SLC22A23: variants seen among roughly 807,000 people sequenced by gnomAD.
SLC22A23 encodes solute carrier family 22 member 23, also known as ion transporter protein.
In SLC22A23, 26 loss-of-function variants were observed where a neutral mutation model predicts 61.0. That is an observed-to-expected ratio of 0.43 (90% CI 0.31 to 0.59). The LOEUF (loss-of-function observed/expected upper bound fraction) is 0.59, where lower values mean the gene tolerates loss of function less well. Among genes scored for constraint, SLC22A23 ranks in the 20% least tolerant of loss-of-function variants. The pLI, the probability that SLC22A23 is intolerant of heterozygous loss-of-function variation, is 0.11. For missense variants in SLC22A23, 796 were observed against 934.7 expected, an observed-to-expected ratio of 0.85 and a Z score of 1.94; for synonymous variants, 430 against 413.9, an observed-to-expected ratio of 1.04 and a Z score of -0.47.
At chr6:3,403,785 T>C (rs1768604478) in intron 3 of SLC22A23, among the ~76,000 whole-genome samples, 1 of 152,202 alleles carries the variant, frequency 6.6e-6, no homozygotes, top group South Asian at 2.1e-4. Flanking sequence ...ACGTTGAAGC[T>C]CAATAGTTTT....
At chr6:3,278,915 A>C (rs1239818266) in intron 9 of SLC22A23, among the ~76,000 whole-genome samples, 1 of 152,134 alleles carries the variant, frequency 6.6e-6, no homozygotes, top group Non-Finnish European at 1.5e-5. Context: ...CCTTACTCAC[A>C]CGGGAGTCAC....
chr6:3,273,561 C>T lies in SLC22A23; in HGVS notation c.1704-149G>A, dbSNP rs1223532763. ...TACCCCGACCTCACACGTCCCATGTCACCAGCACCCTGGCTGTGTCTGTAC... is the reference window on the plus strand; with the variant it reads ...TACCCCGACCTCACACGTCCCATGTTACCAGCACCCTGGCTGTGTCTGTAC... On this transcript the variant is annotated intron_variant, in intron 9 of 9. Coordinates refer to ENST00000406686, the MANE Select transcript of SLC22A23 (RefSeq NM_015482.2). 4.1e-6 allele frequency: 3 copies of T among 736,644 alleles called. No individual in the cohort carries two copies. In the Admixed American group the frequency reaches 8.2e-5, roughly 20 times the overall value. 45.6% of individuals were successfully genotyped at this position (736,644 alleles called of 1,614,324 possible).
chr6:3,338,425 G>T (rs1204391933), intron 3 of SLC22A23, among the ~76,000 whole-genome samples: 1 of 152,268 alleles, frequency 6.6e-6, no homozygotes, highest in African/African-American at 2.4e-5. Context: ...CGCCTCCCGG[G>T]TTCAAGTGAT....
At chr6:3,321,289 A>C (rs1322056184) in intron 4 of SLC22A23, among the ~76,000 whole-genome samples, 29 of 152,274 alleles carry the variant, frequency 1.9e-4, no homozygotes, top group Admixed American at 1.9e-3. Context: ...ACAGCCAGTC[A>C]CTAGGCCAGC....
intron 3 of SLC22A23, among the ~76,000 whole-genome samples, chr6:3,326,362 C>T (rs910448728): frequency 2.0e-5 from 3 of 152,194 alleles, no homozygotes; most frequent in East Asian, 1.9e-4. Context: ...GTATCGCATG[C>T]GATCACATGC....
In SLC22A23 at chr6:3,414,652, G is replaced by T. The variant is rs1769538751; in HGVS notation, c.758+1100C>A. Among the ~76,000 whole-genome samples, 1 of 129,720 alleles carries T rather than the reference G, an allele frequency of 7.7e-6. No homozygotes were observed. The highest frequency in any genetic ancestry group is 2.9e-5 in the African/African-American group (1 of 33,970). 85.1% of individuals were successfully genotyped at this position (129,720 alleles called of 152,430 possible). On this transcript the variant is annotated intron_variant, in intron 2 of 9. Coordinates refer to ENST00000406686, the MANE Select transcript of SLC22A23 (RefSeq NM_015482.2). The surrounding 1 kb of genome is among the most constrained non-coding windows in gnomAD (Gnocchi z 5.1). ...AGTTAACTGAGGTGCAGAGGTCACA[G>T]AACCTATAGAATTTGTTCCATATCA...
chr6:3,300,704 G>A (rs983485057), intron 4 of SLC22A23, among the ~76,000 whole-genome samples: 3 of 152,202 alleles, frequency 2.0e-5, no homozygotes, highest in South Asian at 2.1e-4. Flanking sequence ...CATCACTATC[G>A]ATATCTAATA....
intron 1 of SLC22A23, among the ~76,000 whole-genome samples, chr6:3,429,995 T>G (rs1770754515): frequency 6.6e-6 from 1 of 152,176 alleles, no homozygotes; most frequent in Admixed American, 6.6e-5. Context: ...CACAACAATG[T>G]GAATGGCTTA....
At chr6:3,368,482 C>T (rs1454303767) in intron 3 of SLC22A23, among the ~76,000 whole-genome samples, 2 of 152,216 alleles carry the variant, frequency 1.3e-5, no homozygotes, top group African/African-American at 2.4e-5. Context: ...AAGGGGGTCT[C>T]TGACCCAAAA....
At chr6:3,378,155 T>A (rs1368285855) in intron 3 of SLC22A23, among the ~76,000 whole-genome samples, 4 of 152,222 alleles carry the variant, frequency 2.6e-5, no homozygotes, top group Non-Finnish European at 5.9e-5. Flanking sequence ...ACATTTAATA[T>A]CACCGATGGC....
Position 3,456,488 on chromosome 6 carries a change from G to A in SLC22A23, c.72C>T (p.Asn24=). The A allele has an allele frequency of 1.8e-6, 2 of 1,137,756 alleles. No homozygotes were observed. Among genetic ancestry groups the A allele is most frequent in the Non-Finnish European group, 2.2e-6 (2 of 929,688 alleles). The allele number at this position is 1,137,756 out of a possible 1,614,324, so 70.5% of individuals were successfully genotyped here. The change falls in exon 1 of 10, where the codon AAC becomes AAT. Residue 24 remains asparagine, a synonymous_variant. Transcript: ENST00000406686. The surrounding 1 kb of genome is among the most constrained non-coding windows in gnomAD (Gnocchi z 7.1). Reference sequence around the variant, plus strand: ...CCGCGTCCCCGGGCGGCAGGGAGCCGTTCTCCTCGGCCGGGGCCGGCTGCC... The same window carrying A: ...CCGCGTCCCCGGGCGGCAGGGAGCCATTCTCCTCGGCCGGGGCCGGCTGCC... The part of the protein sequence containing the change: ...PGRQPAPAEE[N]GSLPPGDAAA...
intron 8 of SLC22A23, 75 bp downstream of exon 8, chr6:3,285,004 C>T (rs79364886): frequency 1.3e-4 from 210 of 1,576,340 alleles, no homozygotes; most frequent in East Asian, 2.6e-4. Context: ...ACCACAGGTC[C>T]GTGAGTCTTC....
chr6:3,415,561 A>C (rs908534782), intron 2 of SLC22A23, among the ~76,000 whole-genome samples, 191 bp downstream of exon 2: 1 of 152,226 alleles, frequency 6.6e-6, no homozygotes, highest in Admixed American at 6.5e-5. Flanking sequence ...TTAAATTCAC[A>C]CTTCCAAATG....
intron 1 of SLC22A23, among the ~76,000 whole-genome samples, chr6:3,452,030 T>C (rs975007328): frequency 1.1e-4 from 16 of 152,198 alleles, no homozygotes; most frequent in African/African-American, 3.6e-4. Flanking sequence ...CAACACATTA[T>C]AAAACAGACT....
chr6:3,336,598 C>T (rs145815397), intron 3 of SLC22A23, among the ~76,000 whole-genome samples: 17 of 152,294 alleles, frequency 1.1e-4, no homozygotes, highest in African/African-American at 3.9e-4. Flanking sequence ...GCAGCGAGCT[C>T]CTTGAAAAGG....
At chr6:3,293,506 C>T (rs1302255802) in intron 5 of SLC22A23, among the ~76,000 whole-genome samples, 2 of 150,528 alleles carry the variant, frequency 1.3e-5, no homozygotes, top group East Asian at 2.0e-4. Context: ...AGTCTTATCA[C>T]GAAGTCACCT....
chr6:3,400,976 A>G (rs183749648), intron 3 of SLC22A23, among the ~76,000 whole-genome samples: 3 of 152,382 alleles, frequency 2.0e-5, no homozygotes, highest in Admixed American at 1.3e-4. Flanking sequence ...ATAATAATGA[A>G]CATCTAACAC....
Position 3,410,065 on chromosome 6 carries a change from T to C in SLC22A23, c.913+123A>G. 3 of 1,137,490 alleles carry C rather than the reference T, an allele frequency of 2.6e-6. No homozygotes were observed. Among genetic ancestry groups the C allele is most frequent in the Non-Finnish European group, 3.7e-6 (3 of 816,324 alleles). The allele number at this position is 1,137,490 out of a possible 1,614,324, so 70.5% of individuals were successfully genotyped here. A position where few individuals can be genotyped will look rare whatever the true frequency, so the allele number is the denominator to read the frequency against. ...TTCACAACACTTGAGGCCTTTAATG[T>C]TTGTGTTTCCACAAAACTGCCAGCC... On this transcript the variant is annotated intron_variant, in intron 3 of 9. Transcript: ENST00000406686. The surrounding 1 kb of genome is among the most constrained non-coding windows in gnomAD (Gnocchi z 5.0).
Position 3,317,308 on chromosome 6 carries a change from C to T in SLC22A23, c.1082+6526G>A, listed in dbSNP as rs1164497611. On this transcript the variant is annotated intron_variant, in intron 4 of 9. Transcript: ENST00000406686. This position sits in a 1 kb window ranked among gnomAD's most constrained non-coding sequence, Gnocchi z 4.4. ...CTGAGGAAGGAGCTCTGTCATTAAGCCATGTGCCCAGTGCAGGCTGTGGCC... is the reference window on the plus strand; with the variant it reads ...CTGAGGAAGGAGCTCTGTCATTAAGTCATGTGCCCAGTGCAGGCTGTGGCC... Among the ~76,000 whole-genome samples, 1 of 152,204 alleles carries T rather than the reference C, an allele frequency of 6.6e-6. No individual in the cohort carries two copies. Among genetic ancestry groups the T allele is most frequent in the African/African-American group, 2.4e-5 (1 of 41,450 alleles).
Sources: allele counts gnomAD v4.1 joint callset (sites outside exome capture counted in the v4.1 genomes callset), GRCh38; gene constraint gnomAD v4.1.1; non-coding constraint Gnocchi (gnomAD v3.1); transcripts MANE v1.5; gene names NCBI Gene and HGNC (gene_info 2026-07-23, HGNC 2026-07-21).